The following UFL1 variants were observed in gnomAD, a reference collection of about 807,000 sequenced individuals.
The protein encoded by UFL1 is E3 UFM1-protein ligase 1.
UFL1 carries 78 observed loss-of-function variants against 99.3 expected under a neutral mutation model. That is an observed-to-expected ratio of 0.79 (90% CI 0.65 to 0.95). The LOEUF is 0.95. Among genes scored for constraint, UFL1 ranks in the 40% least tolerant of loss-of-function variants. UFL1 has a pLI of 0.00. For missense variants in UFL1, 936 were observed against 937.0 expected (o/e 1.00, Z 0.01); for synonymous variants, 335 against 322.2 (o/e 1.04, Z -0.42).
intron 9 of UFL1, 147 bp downstream of exon 9, chr6:96,537,696 T>C: frequency 2.7e-6 from 2 of 752,072 alleles, no homozygotes; most frequent in South Asian, 2.4e-5. Flanking sequence ...ATAATCTTTA[T>C]GCTTAAAGTC....
chr6:96,545,767 T>A (rs191780847), intron 12 of UFL1, among the ~76,000 whole-genome samples: 1 of 151,222 alleles, frequency 6.6e-6, no homozygotes, highest in Non-Finnish European at 1.5e-5. Flanking sequence ...GATTGACTTA[T>A]AGAAAATAAT....
At chr6:96,545,641 G>C (rs1042133814) in intron 12 of UFL1, among the ~76,000 whole-genome samples, 22 of 150,904 alleles carry the variant, frequency 1.5e-4, no homozygotes, top group African/African-American at 5.1e-4. Flanking sequence ...GGTATTCCTT[G>C]TTCAACAAAG....
At position 96,552,194 on chromosome 6, in the gene UFL1, G is replaced by A. The variant is rs145731912; in HGVS notation, c.1985+271G>A. Among the ~76,000 whole-genome samples the A allele has an allele frequency of 7.2e-3, 1,089 of 152,080 alleles. 10 individuals are homozygous for A. The highest frequency in any genetic ancestry group is 0.022 in the African/African-American group (920 of 41,524). On this transcript the variant is annotated intron_variant, in intron 17 of 18. Transcript: ENST00000369278. ...ATTAGCTTGGGGACTTTCCTTACAG[G>A]AAACCTTACCTAATCAGTGCAAATT...
intron 9 of UFL1, among the ~76,000 whole-genome samples, chr6:96,538,086 T>C (rs2127951244): frequency 6.6e-6 from 1 of 151,904 alleles, no homozygotes; most frequent in South Asian, 2.1e-4. Flanking sequence ...GTTTTGGATA[T>C]GAAAGTCCCA....
chr6:96,543,100 A>T, intron 12 of UFL1, 84 bp downstream of exon 12: 1 of 1,451,630 alleles, frequency 6.9e-7, no homozygotes. Flanking sequence ...TTAGGTATAT[A>T]TGCTAATACA....
rs772042361 is a variant in UFL1 at position 96,538,639 on chromosome 6, A to G, written c.987A>G (p.Leu329=). The G allele has an allele frequency of 1.5e-5, 24 of 1,610,696 alleles. No individual in the cohort carries two copies. The Middle Eastern group carries it at 5.0e-4, about 33-fold the overall frequency. ...TTTGTTTGTAATTCTAGCCTCTGCTACCCACTTCTTTATCAGTTGAAGATG... is the reference window on the plus strand; with the variant it reads ...TTTGTTTGTAATTCTAGCCTCTGCTGCCCACTTCTTTATCAGTTGAAGATG... The part of the protein sequence containing the change: ...SGTWVDIAPL[L]PTSLSVEDAA... The change falls in exon 10 of 19, where the codon CTA becomes CTG. Residue 329 remains leucine (L), a synonymous_variant. Coordinates refer to ENST00000369278, the MANE Select transcript of UFL1 (RefSeq NM_015323.5).
Position 96,554,546 on chromosome 6 carries a change from T to C in UFL1, c.*1043T>C, listed in dbSNP as rs1465775121. 1 of 151,866 alleles carries C rather than the reference T, an allele frequency of 6.6e-6. No individual in the cohort carries two copies. Among genetic ancestry groups the C allele is most frequent in the Non-Finnish European group, 1.5e-5 (1 of 67,930 alleles). The allele number at this position is 151,866 out of a possible 1,614,324, so 9.4% of individuals were successfully genotyped here. A position where few individuals can be genotyped will look rare whatever the true frequency, so the allele number is the denominator to read the frequency against. On this transcript the variant is annotated 3_prime_UTR_variant, in exon 19 of 19. Coordinates refer to ENST00000369278, the MANE Select transcript of UFL1 (RefSeq NM_015323.5). ...AACCAAATGAATTTCAAGCAACAAC[T>C]TACTTACTATTTATCAAAAAGGGAT...
Position 96,521,846 on chromosome 6 carries a change from C to T in UFL1, c.-28C>T, listed in dbSNP as rs1190200915. ...CTGTCGGCTGACGTGTCTGCAGTTCCTCCGCGTCTACTGCGAGTCAGGCCG... is the reference window on the plus strand; with the variant it reads ...CTGTCGGCTGACGTGTCTGCAGTTCTTCCGCGTCTACTGCGAGTCAGGCCG... On this transcript the variant is annotated 5_prime_UTR_variant, in exon 1 of 19. Transcript: ENST00000369278. The T allele has an allele frequency of 1.2e-5, 19 of 1,604,272 alleles. No homozygotes were observed. Among genetic ancestry groups the T allele is most frequent in the East Asian group, 4.5e-5 (2 of 44,502 alleles).
intron 12 of UFL1, among the ~76,000 whole-genome samples, chr6:96,546,848 G>A (rs1345627942): frequency 1.3e-5 from 2 of 151,426 alleles, no homozygotes; most frequent in Non-Finnish European, 3.0e-5. Flanking sequence ...ACTTTAGGTG[G>A]AGTAAATATT....
rs776208573 is a variant in UFL1, at chr6:96,528,639, A to G, written c.596+7A>G. ...TATTCAGTGCTATTACCCGGTAAGT[A>G]TATTTTAAAGTATATATATTTGCAC... is the stretch of plus-strand genomic sequence containing the variant. On this transcript the variant is annotated splice_region_variant and intron_variant, in intron 6 of 18. Coordinates refer to ENST00000369278, the MANE Select transcript of UFL1 (RefSeq NM_015323.5). 10 of 1,608,354 alleles carry G rather than the reference A, an allele frequency of 6.2e-6. No homozygotes were observed. The Admixed American group carries it at 1.4e-4, about 22-fold the overall frequency.
At chr6:96,543,043 T>A in intron 12 of UFL1, 27 bp downstream of exon 12, 1 of 1,570,266 alleles carries the variant, frequency 6.4e-7, no homozygotes, top group Non-Finnish European at 8.6e-7. Context: ...TACTTTTCCT[T>A]GGTGTATGTG....
chr6:96,535,359 A>G (rs1769838102), intron 7 of UFL1, among the ~76,000 whole-genome samples: 1 of 151,920 alleles, frequency 6.6e-6, no homozygotes, highest in Non-Finnish European at 1.5e-5. Flanking sequence ...TTTTTAGAGG[A>G]TTTTAATTTC....
chr6:96,543,883 A>G (rs988889059), intron 12 of UFL1, among the ~76,000 whole-genome samples: 1 of 151,168 alleles, frequency 6.6e-6, no homozygotes, highest in African/African-American at 2.4e-5. Flanking sequence ...TTCATTCTCC[A>G]TGTTCTAATG....
chr6:96,543,157 C>T (rs1273631169), intron 12 of UFL1, 141 bp downstream of exon 12: 1 of 915,132 alleles, frequency 1.1e-6, no homozygotes, highest in African/African-American at 1.8e-5. Context: ...TTTCAGTTAC[C>T]ACACTTTAGT....
intron 6 of UFL1, among the ~76,000 whole-genome samples, chr6:96,530,714 A>G (rs904989442): frequency 6.6e-6 from 1 of 152,146 alleles, no homozygotes; most frequent in African/African-American, 2.4e-5. Context: ...CTGGCTTAAG[A>G]TGTTCCAGGC....
At chr6:96,550,158 C>CT (rs1770057672) in intron 15 of UFL1, among the ~76,000 whole-genome samples, 1 of 151,804 alleles carries the variant, frequency 6.6e-6, no homozygotes, top group Non-Finnish European at 1.5e-5. Context: ...AATATTTAGA[C>CT]TAATTCCAAT....
intron 6 of UFL1, among the ~76,000 whole-genome samples, chr6:96,531,083 GT>G (rs1345723483): frequency 1.3e-5 from 2 of 152,214 alleles, no homozygotes; most frequent in Non-Finnish European, 2.9e-5. Context: ...AGGGATGTTG[GT>G]TGCACGCTCT....
rs992329001 is a variant in UFL1 at position 96,554,814 on chromosome 6, G to A, written c.*1311G>A. On this transcript the variant is annotated 3_prime_UTR_variant, in exon 19 of 19. Coordinates refer to ENST00000369278, the MANE Select transcript of UFL1 (RefSeq NM_015323.5). ...ACATTAAATTTAAAAATGTTTTCCC[G>A]TGGGTAATTTTCTATTATATATTTT... The A allele has an allele frequency of 5.2e-5, 8 of 152,410 alleles. No individual in the cohort carries two copies. The East Asian group carries it at 5.8e-4, about 11-fold the overall frequency. 9.4% of individuals were successfully genotyped at this position (152,410 alleles called of 1,614,324 possible). A position where few individuals can be genotyped will look rare whatever the true frequency, so the allele number is the denominator to read the frequency against.
chr6:96,535,119 T>C (rs1157626291), intron 7 of UFL1, among the ~76,000 whole-genome samples: 1 of 152,018 alleles, frequency 6.6e-6, no homozygotes, highest in African/African-American at 2.4e-5. Context: ...AGAATGGATT[T>C]ACATTGTACA....
Sources: gnomAD v4.1 joint callset for allele counts (sites outside exome capture counted in the v4.1 genomes callset) on GRCh38, gnomAD v4.1.1 for gene constraint, MANE v1.5 for transcripts, NCBI Gene and HGNC (gene_info 2026-07-23, HGNC 2026-07-21) for gene names.